The following ARHGAP10 variants were observed in gnomAD, a reference collection of about 807,000 sequenced individuals.
ARHGAP10 encodes rho GTPase-activating protein 10.
In ARHGAP10, 87 loss-of-function variants were observed where a neutral mutation model predicts 108.6. That is an observed-to-expected ratio of 0.80 (90% CI 0.67 to 0.96). The LOEUF (loss-of-function observed/expected upper bound fraction) is 0.96, where lower values mean the gene tolerates loss of function less well. Among genes scored for constraint, ARHGAP10 ranks in the 40% least tolerant of loss-of-function variants. The pLI is 0.00. For missense variants in ARHGAP10, 939 were observed against 954.5 expected (o/e 0.98, Z 0.21); for synonymous variants, 347 against 341.1 (o/e 1.02, Z -0.19).
At chr4:148,010,705 T>A (rs150116979) in intron 18 of ARHGAP10, among the ~76,000 whole-genome samples, 1 of 152,332 alleles carries the variant, frequency 6.6e-6, no homozygotes, top group East Asian at 1.9e-4. Context: ...TGACTCTAAT[T>A]GTGGCCCGTA....
At chr4:147,900,182 A>C (rs1016203754) in intron 10 of ARHGAP10, among the ~76,000 whole-genome samples, 1 of 152,236 alleles carries the variant, frequency 6.6e-6, no homozygotes, top group African/African-American at 2.4e-5. Context: ...TGAAATGTAG[A>C]ATACAGATAA....
At chr4:148,066,615 A>T (rs939795140) in intron 22 of ARHGAP10, among the ~76,000 whole-genome samples, 2 of 152,218 alleles carry the variant, frequency 1.3e-5, no homozygotes, top group Admixed American at 1.3e-4. Context: ...CACAAATACC[A>T]GTGTCTCCGT....
intron 19 of ARHGAP10, among the ~76,000 whole-genome samples, chr4:148,043,734 G>GTGTATATATATGTATATA (rs1390925123): frequency 2.3e-5 from 3 of 131,852 alleles, no homozygotes; most frequent in African/African-American, 9.1e-5. Flanking sequence ...ATATATATAT[G>GTGTATATATATGTATATA]TGTATATATA....
chr4:147,891,536 G>A (rs898818325), intron 10 of ARHGAP10, among the ~76,000 whole-genome samples: 1 of 152,062 alleles, frequency 6.6e-6, no homozygotes, highest in African/African-American at 2.4e-5. Context: ...ATTGATTTTG[G>A]TGATGGTTAT....
chr4:147,842,466 A>G (rs1733455410), intron 3 of ARHGAP10, among the ~76,000 whole-genome samples: 1 of 151,974 alleles, frequency 6.6e-6, no homozygotes, highest in South Asian at 2.1e-4. Flanking sequence ...ACCTACCTCT[A>G]CTTTCTGAGC....
rs375119535 is a variant in ARHGAP10, at chr4:147,771,549, A to G, written c.154+39094A>G. Among the ~76,000 whole-genome samples the G allele has an allele frequency of 9.1e-4, 139 of 152,230 alleles. No individual in the cohort carries two copies. In the South Asian group the frequency reaches 0.026, roughly 29 times the overall value. On this transcript the variant is annotated intron_variant, in intron 1 of 22. Transcript: ENST00000336498. ...GTGCCAGCAAATACTAGGTGGCACA[A>G]TTTTTTTGTACCCATTCAAGTGTTG...
At chr4:147,885,481 C>T (rs1735509536) in intron 10 of ARHGAP10, among the ~76,000 whole-genome samples, 2 of 152,126 alleles carry the variant, frequency 1.3e-5, no homozygotes. Flanking sequence ...AGGTCCCTCC[C>T]ACAACATATG....
chr4:147,783,977 CATT>C (rs1230656868), intron 1 of ARHGAP10, among the ~76,000 whole-genome samples: 25 of 137,218 alleles, frequency 1.8e-4, no homozygotes, highest in South Asian at 2.9e-4. Flanking sequence ...ATATAACACA[CATT>C]ATTATATAAT....
At chr4:147,767,841 G>A (rs1233851087) in intron 1 of ARHGAP10, among the ~76,000 whole-genome samples, 1 of 152,196 alleles carries the variant, frequency 6.6e-6, no homozygotes, top group Non-Finnish European at 1.5e-5. Flanking sequence ...TGGAGGACCA[G>A]TGAATAACAT....
chr4:147,913,145 ATGAT>A lies in ARHGAP10; in HGVS notation c.1228+10_1228+13del, dbSNP rs746742953. 6 of 1,612,148 alleles carry A rather than the reference ATGAT, an allele frequency of 3.7e-6. No homozygotes were observed. The South Asian group carries it at 6.6e-5, about 18-fold the overall frequency. ...CAGTGCCGTTGAAACACGAGGTAAT[ATGAT>A]TGAATCATTTCATTCATGAGAGGCT... On this transcript the variant is annotated splice_region_variant and intron_variant, in intron 13 of 22. Coordinates refer to ENST00000336498, the MANE Select transcript of ARHGAP10 (RefSeq NM_024605.4).
At chr4:147,817,628 T>C (rs976069484) in intron 1 of ARHGAP10, among the ~76,000 whole-genome samples, 27 of 152,142 alleles carry the variant, frequency 1.8e-4, no homozygotes, top group Non-Finnish European at 3.1e-4. Context: ...TGGGAAGAAT[T>C]AGATCACCTA....
Position 147,881,839 on chromosome 4 carries a change from G to A in ARHGAP10, c.941G>A (p.Gly314Glu), listed in dbSNP as rs549345257. 6.2e-7 allele frequency: 1 copy of A among 1,613,590 alleles called. No homozygotes were observed. Among genetic ancestry groups the A allele is most frequent in the South Asian group, 1.1e-5 (1 of 90,980 alleles). ...PFEHRSGGKL[G>E]DGEVFFLKEC... ...AATGTTCAAAATGATTATTTGCAGG[G>A]GGACGGAGAGGTGTTCTTTTTGAAA... The change falls in exon 10 of 23, where the codon GGG becomes GAG. Residue 314 changes from glycine to glutamate, a missense_variant and splice_region_variant. Gly to Glu is a moderately conservative substitution (Grantham distance 98, BLOSUM62 -2). Coordinates refer to ENST00000336498, the MANE Select transcript of ARHGAP10 (RefSeq NM_024605.4).
Position 147,938,438 on chromosome 4 carries a change from A to G in ARHGAP10, c.1229-1387A>G, listed in dbSNP as rs148042189. Among the ~76,000 whole-genome samples the G allele has an allele frequency of 5.1e-3, 783 of 152,336 alleles. 4 individuals carry two copies. Among genetic ancestry groups the G allele is most frequent in the African/African-American group, 0.018 (747 of 41,578 alleles). On this transcript the variant is annotated intron_variant, in intron 13 of 22. Coordinates refer to ENST00000336498, the MANE Select transcript of ARHGAP10 (RefSeq NM_024605.4). ...AGAAAAAGAAGGAACAAAACTTGAC[A>G]AGGAAGAATGAATGCTTTTGTGTGT...
intron 13 of ARHGAP10, among the ~76,000 whole-genome samples, chr4:147,934,525 A>G (rs1164046783): frequency 6.6e-6 from 1 of 152,178 alleles, no homozygotes; most frequent in East Asian, 1.9e-4. Context: ...GTTGTGACTA[A>G]GATTGTGGAC....
At chr4:147,847,366 G>C (rs1733678415) in intron 4 of ARHGAP10, 144 bp downstream of exon 4, 1 of 770,098 alleles carries the variant, frequency 1.3e-6, no homozygotes, top group Non-Finnish European at 2.1e-6. Context: ...TCCCCCTTTG[G>C]GGGATATGGA....
At chr4:147,987,654 A>G (rs1459147527) in intron 18 of ARHGAP10, among the ~76,000 whole-genome samples, 3 of 152,236 alleles carry the variant, frequency 2.0e-5, no homozygotes, top group Non-Finnish European at 4.4e-5. Context: ...TCTCTCTGCT[A>G]GAAATTGAGA....
chr4:147,820,309 A>G (rs990883361), intron 1 of ARHGAP10, among the ~76,000 whole-genome samples: 5 of 152,146 alleles, frequency 3.3e-5, no homozygotes, highest in Admixed American at 3.3e-4. Context: ...TTATTTTGAG[A>G]CAGTCTCATT....
intron 1 of ARHGAP10, among the ~76,000 whole-genome samples, chr4:147,769,041 A>T (rs1031275318): frequency 1.3e-5 from 2 of 152,102 alleles, no homozygotes; most frequent in African/African-American, 4.8e-5. Flanking sequence ...TCCAGCCTTC[A>T]TTCAGCATAT....
intron 18 of ARHGAP10, among the ~76,000 whole-genome samples, chr4:148,003,955 A>C (rs1740842107): frequency 1.7e-5 from 2 of 114,338 alleles, no homozygotes; most frequent in African/African-American, 1.0e-4. Flanking sequence ...TTATGCTAAG[A>C]GACGTGAGAG....
Sources: gnomAD v4.1 joint callset for allele counts (sites outside exome capture counted in the v4.1 genomes callset) on GRCh38, gnomAD v4.1.1 for gene constraint, MANE v1.5 for transcripts, NCBI Gene and HGNC (gene_info 2026-07-23, HGNC 2026-07-21) for gene names.